Variants in KLF8 observed in about 807,000 individuals in gnomAD.
The protein encoded by KLF8 is Krueppel-like factor 8.
KLF8 carries 10 observed loss-of-function variants against 18.2 expected under a neutral mutation model. The observed-to-expected ratio is 0.55, with a 90% CI of 0.34 to 0.93. The LOEUF (loss-of-function observed/expected upper bound fraction) is 0.93, where lower values mean the gene tolerates loss of function less well. Ranked by LOEUF, KLF8 falls within the 40% of genes least tolerant of loss-of-function variation. The pLI, the probability that KLF8 is intolerant of heterozygous loss-of-function variation, is 0.02. For synonymous variants in KLF8, 109 were observed against 97.3 expected, an observed-to-expected ratio of 1.12 and a Z score of -0.71; for missense variants, 264 against 277.9, an observed-to-expected ratio of 0.95 and a Z score of 0.36.
At chrX:56,168,585 GT>G in the KLF8 span, among the ~76,000 whole-genome samples, 6 of 110,969 alleles carry the variant, frequency 5.4e-5, no homozygotes, top group East Asian at 1.7e-3. Flanking sequence ...TGCCATGTTG[GT>G]GTGCTGCACC....
chrX:55,927,481 G>T, the KLF8 span, among the ~76,000 whole-genome samples: 103 of 112,041 alleles, frequency 9.2e-4, no homozygotes, highest in African/African-American at 3.2e-3. Flanking sequence ...TGGCTCTTTA[G>T]TGTAGATGTT....
At chrX:56,112,215 A>C in the KLF8 span, among the ~76,000 whole-genome samples, 45 of 111,786 alleles carry the variant, frequency 4.0e-4, no homozygotes, top group Non-Finnish European at 7.7e-4. Context: ...CATCATTCTC[A>C]ACAAGCTAAC....
At chrX:56,283,640 G>A (rs2067231067) in intron 5 of KLF8, among the ~76,000 whole-genome samples, 3 of 111,794 alleles carry the variant, frequency 2.7e-5, no homozygotes, top group African/African-American at 6.5e-5. Flanking sequence ...CAAAGTGCTG[G>A]GATTACAGGC....
the KLF8 span, among the ~76,000 whole-genome samples, chrX:56,154,947 A>G: frequency 8.9e-6 from 1 of 112,114 alleles, no homozygotes; most frequent in Admixed American, 9.5e-5. Context: ...TTAAAAAGTC[A>G]GGAAACAACA....
chrX:56,080,241 T>C, the KLF8 span, among the ~76,000 whole-genome samples: 1 of 111,092 alleles, frequency 9.0e-6, no homozygotes, highest in Admixed American at 9.6e-5. Flanking sequence ...TTCTTCCTAG[T>C]CTCGATGGTC....
the KLF8 span, among the ~76,000 whole-genome samples, chrX:55,942,492 C>G: frequency 9.1e-6 from 1 of 110,184 alleles, no homozygotes; most frequent in Non-Finnish European, 1.9e-5. Flanking sequence ...ACGTCATGCA[C>G]TTGTACCCTA....
chrX:56,123,285 A>AAGAAAG, the KLF8 span, among the ~76,000 whole-genome samples: 2 of 103,402 alleles, frequency 1.9e-5, no homozygotes, highest in African/African-American at 8.3e-5. Flanking sequence ...GAAAGAAAGA[A>AAGAAAG]AGAAAGAAAG....
chrX:56,102,665 A>G, the KLF8 span, among the ~76,000 whole-genome samples: 1 of 111,264 alleles, frequency 9.0e-6, no homozygotes, highest in African/African-American at 3.3e-5. Flanking sequence ...TCTTGTAGAA[A>G]TGTTTCACCT....
At chrX:55,910,937 G>T in the KLF8 span, among the ~76,000 whole-genome samples, 4 of 111,651 alleles carry the variant, frequency 3.6e-5, no homozygotes, top group Non-Finnish European at 7.5e-5. Context: ...ACAGCACAGA[G>T]GTTAGAGATG....
In KLF8 at chrX:56,290,262, G is replaced by T. The variant is rs915684477; in HGVS notation, c.*5768G>T. On this transcript the variant is annotated 3_prime_UTR_variant, in exon 6 of 6. Coordinates refer to ENST00000468660, the MANE Select transcript of KLF8 (RefSeq NM_007250.5). ...ATCTACCTCACAGGAATGTTGTGAG[G>T]CTTCTCATAAATTGATTTTGGCAAA... is the stretch of plus-strand genomic sequence containing the variant. Among the ~76,000 whole-genome samples the T allele has an allele frequency of 9.0e-6, 1 of 111,421 alleles. No homozygotes were observed. Among genetic ancestry groups the T allele is most frequent in the Non-Finnish European group, 1.9e-5 (1 of 53,030 alleles).
the KLF8 span, among the ~76,000 whole-genome samples, chrX:56,171,964 G>A: frequency 9.0e-6 from 1 of 111,539 alleles, no homozygotes; most frequent in Non-Finnish European, 1.9e-5. Context: ...GTCCACAATG[G>A]TTGAACTAGT....
chrX:56,006,717 A>G, the KLF8 span, among the ~76,000 whole-genome samples: 8 of 112,245 alleles, frequency 7.1e-5, no homozygotes, highest in African/African-American at 1.9e-4. Context: ...TTTTTTTGGT[A>G]TCTTAGTATA....
At chrX:56,189,703 A>T in the KLF8 span, among the ~76,000 whole-genome samples, 1 of 109,962 alleles carries the variant, frequency 9.1e-6, no homozygotes, top group African/African-American at 3.3e-5. Flanking sequence ...AAAAATGATG[A>T]GTTCATGTCC....
At chrX:56,200,244 C>A in the KLF8 span, among the ~76,000 whole-genome samples, 2 of 110,249 alleles carry the variant, frequency 1.8e-5, no homozygotes, top group African/African-American at 6.6e-5. Context: ...AAAGTCTCTT[C>A]TAACTCATAA....
At chrX:56,243,508 T>C (rs770990883) in intron 1 of KLF8, 1 of 128,113 alleles carries the variant, frequency 7.8e-6, no homozygotes, top group East Asian at 2.3e-4. Context: ...CTCCAGCTTT[T>C]GTGTATGTTG....
the KLF8 span, among the ~76,000 whole-genome samples, chrX:56,193,451 A>G: frequency 8.9e-6 from 1 of 111,957 alleles, no homozygotes. Context: ...CATATGATCC[A>G]GCAATGCTAC....
At chrX:55,993,790 T>C in the KLF8 span, among the ~76,000 whole-genome samples, 1 of 111,683 alleles carries the variant, frequency 9.0e-6, no homozygotes, top group African/African-American at 3.3e-5. Flanking sequence ...ACTCATTCAA[T>C]TTCAGAACTC....
chrX:56,189,667 A>G, the KLF8 span, among the ~76,000 whole-genome samples: 1 of 110,634 alleles, frequency 9.0e-6, no homozygotes, highest in Non-Finnish European at 1.9e-5. Context: ...TGGCACATAT[A>G]CACCATGGAA....
the KLF8 span, among the ~76,000 whole-genome samples, chrX:55,911,425 A>G: frequency 8.9e-6 from 1 of 112,494 alleles, no homozygotes; most frequent in Non-Finnish European, 1.9e-5. Context: ...AAAAAGTCTC[A>G]TCTGCTTTAA....
Sources: allele counts gnomAD v4.1 joint callset (sites outside exome capture counted in the v4.1 genomes callset), GRCh38; gene constraint gnomAD v4.1.1; transcripts MANE v1.5; gene names NCBI Gene and HGNC (gene_info 2026-07-23, HGNC 2026-07-21).